The following GFRA2 variants were observed in gnomAD, a reference collection of about 807,000 sequenced individuals.
The protein encoded by GFRA2 is GDNF family receptor alpha-2.
GFRA2 carries 17 observed loss-of-function variants against 48.3 expected under a neutral mutation model. That is an observed-to-expected ratio of 0.35 (90% confidence interval 0.24 to 0.53). GFRA2 has a LOEUF of 0.53. GFRA2 is among the 20% of genes least tolerant of loss of function. The pLI, the probability that GFRA2 is intolerant of heterozygous loss-of-function variation, is 0.93. For synonymous variants in GFRA2, 305 were observed against 257.2 expected (o/e 1.19, Z -1.78); for missense variants, 660 against 637.3 (o/e 1.04, Z -0.38).
chr8:21,788,950 C>G, upstream of GFRA2: 1 of 318,296 alleles, frequency 3.1e-6, no homozygotes, highest in Non-Finnish European at 4.6e-6. Context: ...TCTCCCTTCG[C>G]GGCTCCCTCG....
chr8:21,795,890 G>C (rs976347358), intron 2 of GFRA2, among the ~76,000 whole-genome samples: 12 of 152,200 alleles, frequency 7.9e-5, no homozygotes, highest in Non-Finnish European at 1.6e-4. Context: ...GGGGCTCATG[G>C]AGGGCAAGGA....
chr8:21,696,032 T>C (rs372713859), intron 7 of GFRA2, among the ~76,000 whole-genome samples: 47 of 150,624 alleles, frequency 3.1e-4, no homozygotes, highest in African/African-American at 9.3e-4. Flanking sequence ...CACTAAACCA[T>C]TGGGAGCCCT....
At chr8:21,777,604 C>G (rs1487168119) in intron 2 of GFRA2, among the ~76,000 whole-genome samples, 5 of 152,334 alleles carry the variant, frequency 3.3e-5, no homozygotes, top group Non-Finnish European at 7.3e-5. Flanking sequence ...CCAAAGAACC[C>G]TGAATTTCAG....
chr8:21,802,037 T>C (rs1451662589), intron 2 of GFRA2, among the ~76,000 whole-genome samples: 1 of 152,256 alleles, frequency 6.6e-6, no homozygotes, highest in Non-Finnish European at 1.5e-5. Context: ...CTTCCATTTC[T>C]GACACCACCA....
At chr8:21,707,822 T>C (rs751546499) in intron 4 of GFRA2, among the ~76,000 whole-genome samples, 7 of 152,260 alleles carry the variant, frequency 4.6e-5, no homozygotes, top group Non-Finnish European at 7.3e-5. Flanking sequence ...TTAATGCCAC[T>C]GACTTATACA....
At chr8:21,738,880 TC>T (rs1367475000) in intron 4 of GFRA2, among the ~76,000 whole-genome samples, 2 of 152,150 alleles carry the variant, frequency 1.3e-5, no homozygotes, top group Non-Finnish European at 2.9e-5. Flanking sequence ...GACACAGAGC[TC>T]CACGAAAGGC....
chr8:21,773,229 C>G (rs1806521843), intron 3 of GFRA2, among the ~76,000 whole-genome samples: 1 of 152,356 alleles, frequency 6.6e-6, no homozygotes, highest in East Asian at 1.9e-4. Flanking sequence ...ATGGTGCCCA[C>G]AGGCAGTGCC....
intron 2 of GFRA2, among the ~76,000 whole-genome samples, chr8:21,776,789 C>T (rs1260183210): frequency 6.6e-6 from 1 of 151,998 alleles, no homozygotes; most frequent in Non-Finnish European, 1.5e-5. Flanking sequence ...TTATTTACGG[C>T]CCATATCTGA....
chr8:21,767,958 C>G (rs1563257850), intron 3 of GFRA2, among the ~76,000 whole-genome samples: 1 of 148,424 alleles, frequency 6.7e-6, no homozygotes, highest in East Asian at 2.0e-4. Flanking sequence ...CTGGCGTTGA[C>G]AGAGAGAGAG....
intron 7 of GFRA2, 141 bp from the exon 8 acceptor site, chr8:21,694,658 A>C: frequency 5.4e-6 from 4 of 742,846 alleles, no homozygotes; most frequent in African/African-American, 1.7e-5. Context: ...AGGGTAGCTC[A>C]ATTCCACCCA....
intron 4 of GFRA2, among the ~76,000 whole-genome samples, chr8:21,730,995 C>A (rs1442845885): frequency 6.6e-6 from 1 of 152,080 alleles, no homozygotes; most frequent in Non-Finnish European, 1.5e-5. Context: ...GAATTCTGGC[C>A]CCGGGCTCCT....
chr8:21,716,690 C>T (rs1232805314), intron 4 of GFRA2, among the ~76,000 whole-genome samples: 2 of 152,198 alleles, frequency 1.3e-5, no homozygotes, highest in Non-Finnish European at 2.9e-5. Context: ...GGACTTTCCC[C>T]ACTGACAAGC....
At chr8:21,716,197 C>T (rs1263515489) in intron 4 of GFRA2, among the ~76,000 whole-genome samples, 2 of 152,216 alleles carry the variant, frequency 1.3e-5, no homozygotes, top group East Asian at 3.9e-4. Context: ...CTAGCACACA[C>T]CTGTAATCCC....
intron 4 of GFRA2, among the ~76,000 whole-genome samples, chr8:21,746,807 A>G (rs971201599): frequency 6.6e-5 from 10 of 151,860 alleles, no homozygotes; most frequent in African/African-American, 1.5e-4. Flanking sequence ...AAAAAAAAAA[A>G]AGAGAAGGAA....
chr8:21,788,273 C>A lies in GFRA2; in HGVS notation c.-114G>T. 7 of 1,437,588 alleles carry A rather than the reference C, an allele frequency of 4.9e-6. No homozygotes were observed. The highest frequency in any genetic ancestry group is 2.5e-5 in the Admixed American group (1 of 40,572). The allele number at this position is 1,437,588 out of a possible 1,614,324, so 89.1% of individuals were successfully genotyped here. A position where few individuals can be genotyped will look rare whatever the true frequency, so the allele number is the denominator to read the frequency against. On this transcript the variant is annotated 5_prime_UTR_variant, in exon 1 of 9. Coordinates refer to ENST00000524240, the MANE Select transcript of GFRA2 (RefSeq NM_001495.5). ...GTGGTAATCAGCCCCAAATCCAATG[C>A]GGAGATCCCAGCTAGTCCACCCGAT...
rs1469762154 is a variant in GFRA2 at position 21,690,705 on chromosome 8, A to T, written c.*2573T>A. On this transcript the variant is annotated 3_prime_UTR_variant, in exon 9 of 9. Transcript: ENST00000524240. The stretch of plus-strand genomic sequence containing the variant: ...TCTCTCTCACACTCAAGTATGGCAG[A>T]GGGCAGGCACAAGGCCCAGTTCAGC... 6.6e-6 allele frequency: 1 copy of T among 152,256 alleles called. No individual in the cohort carries two copies. The highest frequency in any genetic ancestry group is 1.5e-5 in the Non-Finnish European group (1 of 68,066). 9.4% of individuals were successfully genotyped at this position (152,256 alleles called of 1,614,324 possible). A position where few individuals can be genotyped will look rare whatever the true frequency, so the allele number is the denominator to read the frequency against.
Position 21,788,400 on chromosome 8 carries a change from T to G in GFRA2, c.-241A>C. The G allele has an allele frequency of 7.5e-7, 1 of 1,331,012 alleles. No homozygotes were observed. Among genetic ancestry groups the G allele is most frequent in the Non-Finnish European group, 9.6e-7 (1 of 1,045,050 alleles). The allele number at this position is 1,331,012 out of a possible 1,614,324, so 82.5% of individuals were successfully genotyped here. ...TCGACGCCCCCCTTGCCCGCTACAA[T>G]CAAATATACGCGTATCTGTGTATCG... On this transcript the variant is annotated 5_prime_UTR_variant, in exon 1 of 9. Coordinates refer to ENST00000524240, the MANE Select transcript of GFRA2 (RefSeq NM_001495.5).
chr8:21,706,409 T>G, intron 4 of GFRA2: 1 of 468,756 alleles, frequency 2.1e-6, no homozygotes, highest in Non-Finnish European at 4.2e-6. Context: ...GTCCACCTTC[T>G]GAGAGGCTGC....
intron 4 of GFRA2, among the ~76,000 whole-genome samples, chr8:21,716,342 C>T (rs1803334298): frequency 6.6e-6 from 1 of 151,284 alleles, no homozygotes; most frequent in African/African-American, 2.4e-5. Context: ...TTCTTGACTA[C>T]TATTTAGGTC....
Sources: allele counts gnomAD v4.1 joint callset (sites outside exome capture counted in the v4.1 genomes callset), GRCh38; gene constraint gnomAD v4.1.1; transcripts MANE v1.5; gene names NCBI Gene and HGNC (gene_info 2026-07-23, HGNC 2026-07-21).